Variants in MCM8 observed in about 807,000 individuals in gnomAD.
MCM8 encodes the protein minichromosome maintenance 8 homologous recombination repair factor, also known as DNA helicase MCM8.
In MCM8, 85 loss-of-function variants were observed where a neutral mutation model predicts 98.9. The observed-to-expected ratio is 0.86, with a 90% CI of 0.72 to 1.03. The LOEUF is 1.03. MCM8 is among the 50% of genes least tolerant of loss of function. The pLI is 0.00. For synonymous variants in MCM8, 352 were observed against 338.6 expected (o/e 1.04, Z -0.44); for missense variants, 951 against 997.8 (o/e 0.95, Z 0.63).
At chr20:5,958,793 A>G (rs2089058231) in intron 7 of MCM8, 67 bp downstream of exon 7, 6 of 1,413,154 alleles carry the variant, frequency 4.2e-6, no homozygotes, top group Non-Finnish European at 5.9e-6. Context: ...TACAGAAAAC[A>G]TTTCCCAGTG....
intron 10 of MCM8, among the ~76,000 whole-genome samples, chr20:5,971,467 T>C (rs543911810): frequency 6.6e-6 from 1 of 152,378 alleles, no homozygotes; most frequent in East Asian, 1.9e-4. Flanking sequence ...TGGAAGCCCA[T>C]GCTTTGAGTT....
At chr20:5,973,241 G>A (rs756405977) in intron 12 of MCM8, 45 bp downstream of exon 12, 16 of 1,604,116 alleles carry the variant, frequency 1.0e-5, no homozygotes, top group Non-Finnish European at 1.4e-5. Context: ...CTTGTAAAAT[G>A]CGTTAATAAT....
At chr20:5,967,303 G>C in intron 8 of MCM8, 133 bp from the exon 9 acceptor site, 1 of 609,342 alleles carries the variant, frequency 1.6e-6, no homozygotes, top group Non-Finnish European at 2.6e-6. Flanking sequence ...AGTAATTTTA[G>C]ATATACCATT....
chr20:5,982,011 A>C (rs561332921), intron 13 of MCM8, among the ~76,000 whole-genome samples: 1 of 152,340 alleles, frequency 6.6e-6, no homozygotes, highest in South Asian at 2.1e-4. Context: ...AGAGATAGAG[A>C]ACAAAGGAAA....
intron 18 of MCM8, chr20:5,993,945 T>C (rs1238645053): frequency 5.4e-6 from 2 of 371,258 alleles, no homozygotes; most frequent in Admixed American, 4.3e-5. Context: ...GACATGATTA[T>C]ACCAATTCCT....
Position 5,994,470 on chromosome 20 carries a change from G to GAC in MCM8, c.*81_*82dup. On this transcript the variant is annotated 3_prime_UTR_variant, in exon 19 of 19. Transcript: ENST00000610722. ...CAGTGAAGATATGCGTGCACGCACA[G>GAC]ACAGACAGACACACACACACACACA... is the stretch of plus-strand genomic sequence containing the variant. 1.9e-6 allele frequency: 1 copy of GAC among 522,148 alleles called. No homozygotes were observed. Among genetic ancestry groups the GAC allele is most frequent in the Non-Finnish European group, 3.2e-6 (1 of 309,080 alleles). 32.3% of individuals were successfully genotyped at this position (522,148 alleles called of 1,614,324 possible).
rs1022327678 is a variant in MCM8, at chr20:5,988,532, T to C, written c.2240+1174T>C. On this transcript the variant is annotated intron_variant, in intron 17 of 18. Coordinates refer to ENST00000610722, the MANE Select transcript of MCM8 (RefSeq NM_032485.6). ...TTAATAGTTACCCCGTTCTTCCTGC[T>C]AGCCAGTGGCAATTATTAGCAGTTT... 3.3e-5 allele frequency among the ~76,000 whole-genome samples: 5 copies of C among 152,296 alleles called. No individual in the cohort carries two copies. The South Asian group carries it at 1.0e-3, about 32-fold the overall frequency.
Position 5,994,387 on chromosome 20 carries a change from T to C in MCM8, c.2519T>C (p.Met840Thr), listed in dbSNP as rs759077147. 2.5e-6 allele frequency: 4 copies of C among 1,580,012 alleles called. No homozygotes were observed. In the East Asian group the frequency reaches 7.2e-5, roughly 28 times the overall value. The change falls in exon 19 of 19, where the codon ATG (methionine) becomes ACG (threonine). Residue 840 changes from methionine (M) to threonine (T), a missense_variant. By Grantham distance (81) the Met-to-Thr change is moderately conservative (BLOSUM62 -1). Coordinates refer to ENST00000610722, the MANE Select transcript of MCM8 (RefSeq NM_032485.6). ...KGPKVYQLQT[M>T] Reference sequence around the variant, plus strand: ...CCAAAAGTTTACCAGCTTCAAACTATGTAAAAGGACTTCACCAAGTTAGGG... The same window carrying C: ...CCAAAAGTTTACCAGCTTCAAACTACGTAAAAGGACTTCACCAAGTTAGGG...
At chr20:5,952,678 C>T in intron 3 of MCM8, 150 bp downstream of exon 3, 1 of 698,404 alleles carries the variant, frequency 1.4e-6, no homozygotes, top group South Asian at 2.2e-5. Context: ...GTTTATGTTT[C>T]AAAAGCATTT....
chr20:5,963,525 CTTTTTTTTT>C (rs34718923), intron 8 of MCM8, among the ~76,000 whole-genome samples, 166 bp downstream of exon 8: 1 of 110,470 alleles, frequency 9.1e-6, no homozygotes, highest in African/African-American at 4.1e-5. Context: ...TAAAATAATT[CTTTTTTTTT>C]TTTTTTTTTT....
intron 2 of MCM8, 26 bp from the exon 3 acceptor site, chr20:5,952,398 C>T (rs759823680): frequency 6.2e-7 from 1 of 1,605,938 alleles, no homozygotes; most frequent in Non-Finnish European, 8.5e-7. Context: ...TCTGTTTCTA[C>T]TAACCTAGTA....
chr20:5,983,163 AAAGT>A lies in MCM8; in HGVS notation c.1733+3_1733+6del, dbSNP rs780329035. On this transcript the variant is annotated splice_donor_variant and coding_sequence_variant, in exon 14 of 19. Transcript: ENST00000610722. LOFTEE classifies it high-confidence loss of function. ...AAGCCAAAACAGTTTCTGAGAATTT[AAAGT>A]AAGTCTCTTCAAATATTTATACCTT... 4.4e-6 allele frequency: 7 copies of A among 1,608,396 alleles called. No individual in the cohort carries two copies. The highest frequency in any genetic ancestry group is 1.3e-5 in the African/African-American group (1 of 74,696).
Position 5,994,637 on chromosome 20 carries a change from C to A in MCM8, c.*246C>A. The A allele has an allele frequency of 2.1e-6, 1 of 483,364 alleles. No homozygotes were observed. The highest frequency in any genetic ancestry group is 3.1e-5 in the Admixed American group (1 of 32,444). 29.9% of individuals were successfully genotyped at this position (483,364 alleles called of 1,614,324 possible). A position where few individuals can be genotyped will look rare whatever the true frequency, so the allele number is the denominator to read the frequency against. ...TAAAGTCTCCAGATGCAGTAGCTCA[C>A]ACTGTAATCACAGTGACTCAGGAGG... On this transcript the variant is annotated 3_prime_UTR_variant, in exon 19 of 19. Transcript: ENST00000610722.
At chr20:5,972,681 A>G in intron 11 of MCM8, 1 of 1,105,960 alleles carries the variant, frequency 9.0e-7, no homozygotes, top group South Asian at 1.3e-5. Context: ...CAGCCTGCCG[A>G]GTAGCTGGGA....
chr20:5,966,847 C>T (rs1246622055), intron 8 of MCM8, among the ~76,000 whole-genome samples: 3 of 152,322 alleles, frequency 2.0e-5, no homozygotes, highest in Middle Eastern at 3.4e-3. Context: ...GGGTTTGTTT[C>T]CTTAGAACAG....
At chr20:5,977,763 A>C (rs2089542786) in intron 12 of MCM8, 113 bp from the exon 13 acceptor site, 1 of 1,123,900 alleles carries the variant, frequency 8.9e-7, no homozygotes. Context: ...CACCTTGTAC[A>C]CTAAAGCTCT....
At chr20:5,971,982 T>G in intron 10 of MCM8, 25 bp from the exon 11 acceptor site, 2 of 1,606,574 alleles carry the variant, frequency 1.2e-6, no homozygotes, top group Non-Finnish European at 1.7e-6. Flanking sequence ...AAATTAGAAT[T>G]TATAAGTTGT....
chr20:5,987,205 A>G, intron 16 of MCM8, 77 bp from the exon 17 acceptor site: 1 of 1,389,672 alleles, frequency 7.2e-7, no homozygotes, highest in Admixed American at 2.1e-5. Context: ...TAAAACAAGT[A>G]AATGAAGTAA....
At chr20:5,953,782 T>C (rs1429931132) in intron 3 of MCM8, among the ~76,000 whole-genome samples, 1 of 151,818 alleles carries the variant, frequency 6.6e-6, no homozygotes, top group Non-Finnish European at 1.5e-5. Flanking sequence ...CGCATACTTT[T>C]TTTTTTTAGG....
Sources: gnomAD v4.1 joint callset for allele counts (sites outside exome capture counted in the v4.1 genomes callset) on GRCh38, gnomAD v4.1.1 for gene constraint, MANE v1.5 for transcripts, NCBI Gene and HGNC (gene_info 2026-07-23, HGNC 2026-07-21) for gene names.